The following TRIM7 variants were observed in gnomAD, a reference collection of about 807,000 sequenced individuals.
TRIM7 encodes E3 ubiquitin-protein ligase TRIM7.
In TRIM7, 32 loss-of-function variants were observed where a neutral mutation model predicts 37.9. The ratio of observed to expected loss-of-function variants is 0.84; its 90% CI spans 0.64 to 1.13. The LOEUF (loss-of-function observed/expected upper bound fraction) is 1.13, where lower values mean the gene tolerates loss of function less well. TRIM7 is among the 50% of genes most tolerant of loss of function. The probability of loss-of-function intolerance (pLI) is 0.00; values close to 1 mark genes in which losing one functional copy is unlikely to be tolerated. For missense variants in TRIM7, 732 were observed against 714.0 expected, an observed-to-expected ratio of 1.03 and a Z score of -0.29; for synonymous variants, 351 against 321.3, an observed-to-expected ratio of 1.09 and a Z score of -0.99.
chr5:181,200,924 G>A (rs1157640293), intron 2 of TRIM7: 5 of 985,348 alleles, frequency 5.1e-6, no homozygotes, highest in Non-Finnish European at 4.8e-6. Context: ...TTCCAGGCAG[G>A]CTGCAGTAGC....
chr5:181,200,052 C>T lies in TRIM7; in HGVS notation c.648G>A (p.Val216=). ...CCCTCAGTGCCTGGAACTCTGCCCC[C>T]ACCTTCTCCTGCTCCGCTGCCATCT... is the stretch of plus-strand genomic sequence containing the variant. ...LKQMAAEQEK[V]GAEFQALRAF... Residue 216 remains valine, a synonymous_variant, in exon 3 of 7, where the codon GTG becomes GTA. Transcript: ENST00000274773. The T allele has an allele frequency of 1.2e-6, 2 of 1,614,256 alleles. No individual in the cohort carries two copies. Among genetic ancestry groups the T allele is most frequent in the Non-Finnish European group, 1.7e-6 (2 of 1,180,044 alleles).
In TRIM7 at chr5:181,204,711, C is replaced by A; in HGVS notation, c.400G>T (p.Gly134Cys). The change falls in exon 1 of 7, where the codon GGC (glycine) becomes TGC (cysteine). Residue 134 changes from glycine (G) to cysteine (C), a missense_variant. Transcript: ENST00000274773. The part of the protein sequence containing the change: ...RAAAARCGQH[G>C]EPFKLYCQDD... ...TGGCAGTAGAGCTTGAAGGGTTCGCCATGCTGCCCGCAGCGGGCAGCCGCT... is the reference window on the plus strand; with the variant it reads ...TGGCAGTAGAGCTTGAAGGGTTCGCAATGCTGCCCGCAGCGGGCAGCCGCT... The A allele has an allele frequency of 1.3e-6, 2 of 1,488,342 alleles. No homozygotes were observed. The highest frequency in any genetic ancestry group is 2.3e-5 in the Admixed American group (1 of 43,788). 92.2% of individuals were successfully genotyped at this position (1,488,342 alleles called of 1,614,324 possible).
chr5:181,202,712 GC>G (rs1582237262), intron 2 of TRIM7: 1 of 151,702 alleles, frequency 6.6e-6, no homozygotes, highest in South Asian at 2.1e-4. Context: ...GACTACAGGC[GC>G]CCGCCACCAC....
chr5:181,200,719 A>C (rs1054113962), intron 2 of TRIM7: 19 of 988,076 alleles, frequency 1.9e-5, no homozygotes, highest in Non-Finnish European at 2.3e-5. Flanking sequence ...CATACACCGG[A>C]TTTTTTACTC....
chr5:181,198,029 G>C, intron 6 of TRIM7, 154 bp downstream of exon 6: 1 of 704,032 alleles, frequency 1.4e-6, no homozygotes, highest in Non-Finnish European at 2.4e-6. Context: ...GATGGGGAGG[G>C]GGTGGTGTGG....
intron 2 of TRIM7, chr5:181,200,826 TA>T: frequency 1.0e-6 from 1 of 985,542 alleles, no homozygotes; most frequent in Non-Finnish European, 1.2e-6. Context: ...TCCTCTTCCT[TA>T]AAACTCCTGG....
chr5:181,203,928 C>T (rs992092514), intron 1 of TRIM7: 1 of 1,163,884 alleles, frequency 8.6e-7, no homozygotes, highest in Non-Finnish European at 1.1e-6. Flanking sequence ...CAGGAAGCCC[C>T]GTGGCTGGGA....
chr5:181,199,944 G>T lies in TRIM7; in HGVS notation c.756C>A (p.Asn252Lys), dbSNP rs769447717. 2.5e-6 allele frequency: 4 copies of T among 1,614,256 alleles called. No individual in the cohort carries two copies. Among genetic ancestry groups the T allele is most frequent in the Non-Finnish European group, 2.5e-6 (3 of 1,180,048 alleles). Reference protein sequence around the residue: ...SREVAQKQNENLAQLGVEITQ... With the variant: ...SREVAQKQNEKLAQLGVEITQ... The stretch of plus-strand genomic sequence containing the variant: ...TGATCTCAACCCCGAGCTGGGCCAG[G>T]TTCTCATTCTGCTTCTGTGCCACCT... The change falls in exon 3 of 7, where the codon AAC (asparagine) becomes AAA (lysine). Residue 252 changes from asparagine to lysine, a missense_variant. By Grantham distance (94) the Asn-to-Lys change is moderately conservative (BLOSUM62 0). Coordinates refer to ENST00000274773, the MANE Select transcript of TRIM7 (RefSeq NM_203293.3).
intron 2 of TRIM7, chr5:181,202,093 C>T (rs911117378): frequency 6.6e-6 from 1 of 152,310 alleles, no homozygotes; most frequent in Non-Finnish European, 1.5e-5. Flanking sequence ...CTCCTCCACC[C>T]CTCCTGACAT....
chr5:181,201,676 G>A (rs1455305253), intron 2 of TRIM7, among the ~76,000 whole-genome samples: 1 of 152,202 alleles, frequency 6.6e-6, no homozygotes, highest in Non-Finnish European at 1.5e-5. Flanking sequence ...CTGAAGTGGG[G>A]GGATCGCTTG....
Position 181,195,148 on chromosome 5 carries a change from G to T in TRIM7, c.*18C>A. ...TCCCACCGGCAGCCCAGAGACAGGA[G>T]CTCCCCAGCAGTGCCCCTCAAGGCC... On this transcript the variant is annotated 3_prime_UTR_variant, in exon 7 of 7. Transcript: ENST00000274773. 1 of 1,568,462 alleles carries T rather than the reference G, an allele frequency of 6.4e-7. No homozygotes were observed. The highest frequency in any genetic ancestry group is 8.7e-7 in the Non-Finnish European group (1 of 1,153,962).
At position 181,195,524 on chromosome 5, in the gene TRIM7, G is replaced by A. The variant is rs766754774; in HGVS notation, c.1178C>T (p.Ser393Phe). ...NTRVLASCGF[S>F]SGRHHWEVEV... ...CACCTCCCAGTGATGCCGGCCCGAG[G>A]AGAAGCCGCAGGACGCCAGGACGCG... The change falls in exon 7 of 7, where the codon TCC (serine) becomes TTC (phenylalanine). Residue 393 changes from serine to phenylalanine, a missense_variant. Transcript: ENST00000274773. 55 of 1,612,582 alleles carry A rather than the reference G, an allele frequency of 3.4e-5. 2 individuals carry two copies. The South Asian group carries it at 4.8e-4, about 14-fold the overall frequency.
chr5:181,204,458 A>T, intron 1 of TRIM7, 131 bp downstream of exon 1: 2 of 1,156,370 alleles, frequency 1.7e-6, no homozygotes, highest in Non-Finnish European at 1.1e-6. Flanking sequence ...GCTTCCTGGA[A>T]TGGAGAAAGA....
In TRIM7 at chr5:181,195,334, C is replaced by T; in HGVS notation, c.1368G>A (p.Gly456=). 1 of 1,589,150 alleles carries T rather than the reference C, an allele frequency of 6.3e-7. No individual in the cohort carries two copies. The highest frequency in any genetic ancestry group is 1.1e-5 in the South Asian group (1 of 88,446). ...TSPERSPLSC[G]HLSRVRVALD... Reference sequence around the variant, plus strand: ...GGGCCACCCGCACGCGCGACAGGTGCCCGCAGCTGAGGGGCGACCGCTCGG... The same window carrying T: ...GGGCCACCCGCACGCGCGACAGGTGTCCGCAGCTGAGGGGCGACCGCTCGG... The change falls in exon 7 of 7, where the codon GGG becomes GGA. Residue 456 remains glycine (G), a synonymous_variant. Coordinates refer to ENST00000274773, the MANE Select transcript of TRIM7 (RefSeq NM_203293.3).
At chr5:181,199,050 G>A (rs1466976835) in intron 4 of TRIM7, 45 bp downstream of exon 4, 1 of 1,613,166 alleles carries the variant, frequency 6.2e-7, no homozygotes, top group East Asian at 2.2e-5. Context: ...AGTGAAAAGG[G>A]AAGAAGCAAC....
chr5:181,200,450 GATT>G (rs1388481021), intron 2 of TRIM7: 14 of 1,205,322 alleles, frequency 1.2e-5, no homozygotes, highest in Non-Finnish European at 1.3e-5. Context: ...ATTAAACTGA[GATT>G]GCTTTTTCTT....
chr5:181,205,183 G>T lies in TRIM7; in HGVS notation c.-73C>A. ...GACCTCACAGGACGCGGAGCTGGGC[G>T]CCGAGGGCCCACTGGGAGAGGAAGG... On this transcript the variant is annotated 5_prime_UTR_variant, in exon 1 of 7. Transcript: ENST00000274773. 1 of 1,254,800 alleles carries T rather than the reference G, an allele frequency of 8.0e-7. No homozygotes were observed. The highest frequency in any genetic ancestry group is 1.0e-6 in the Non-Finnish European group (1 of 994,146). 77.7% of individuals were successfully genotyped at this position (1,254,800 alleles called of 1,614,324 possible). A position where few individuals can be genotyped will look rare whatever the true frequency, so the allele number is the denominator to read the frequency against.
chr5:181,201,069 C>T (rs540200901), intron 2 of TRIM7: 3 of 276,564 alleles, frequency 1.1e-5, no homozygotes, highest in Non-Finnish European at 1.6e-5. Context: ...CCAGGCTTCT[C>T]GGCCAGTTGC....
chr5:181,195,092 G>T lies in TRIM7; in HGVS notation c.*74C>A. 1 of 1,524,100 alleles carries T rather than the reference G, an allele frequency of 6.6e-7. No individual in the cohort carries two copies. The highest frequency in any genetic ancestry group is 1.3e-5 in the South Asian group (1 of 78,728). 94.4% of individuals were successfully genotyped at this position (1,524,100 alleles called of 1,614,324 possible). ...GAGCACGGAGGGCAGACCCAAGACG[G>T]ACCAGGCATCTCTGGGGAGGCGACA... On this transcript the variant is annotated 3_prime_UTR_variant, in exon 7 of 7. Coordinates refer to ENST00000274773, the MANE Select transcript of TRIM7 (RefSeq NM_203293.3).
Sources: gnomAD v4.1 joint callset for allele counts (sites outside exome capture counted in the v4.1 genomes callset) on GRCh38, gnomAD v4.1.1 for gene constraint, MANE v1.5 for transcripts, NCBI Gene and HGNC (gene_info 2026-07-23, HGNC 2026-07-21) for gene names.